RTN4RL1: variants seen among roughly 807,000 people sequenced by gnomAD.
The protein encoded by RTN4RL1 is reticulon-4 receptor-like 1.
In RTN4RL1, 7 loss-of-function variants were observed where a neutral mutation model predicts 25.6. The observed-to-expected ratio is 0.27, with a 90% CI of 0.16 to 0.51. The LOEUF (loss-of-function observed/expected upper bound fraction) is 0.51. Among genes scored for constraint, RTN4RL1 ranks in the 20% least tolerant of loss-of-function variants. RTN4RL1 has a pLI of 0.97. For missense variants in RTN4RL1, 500 were observed against 615.6 expected (o/e 0.81, Z 1.99); for synonymous variants, 297 against 288.2 (o/e 1.03, Z -0.31).
rs1297651973 is a variant in RTN4RL1, at chr17:2,000,142, C to T, written c.13+24711G>A. The stretch of plus-strand genomic sequence containing the variant: ...GCTGACAGCTGTGTCAGGGAGAAGG[C>T]GTGTCTGCCAAGTAGCAGCCACCGC... On this transcript the variant is annotated intron_variant, in intron 1 of 1. Coordinates refer to ENST00000331238, the MANE Select transcript of RTN4RL1 (RefSeq NM_178568.4). Among the ~76,000 whole-genome samples, 4 of 152,372 alleles carry T rather than the reference C, an allele frequency of 2.6e-5. No homozygotes were observed. The East Asian group carries it at 5.8e-4, about 22-fold the overall frequency.
At position 1,935,551 on chromosome 17, in the gene RTN4RL1, G is replaced by A. The variant is rs568027000; in HGVS notation, c.*945C>T. 71 of 985,420 alleles carry A rather than the reference G, an allele frequency of 7.2e-5. No homozygotes were observed. Among genetic ancestry groups the A allele is most frequent in the Admixed American group, 3.1e-4 (5 of 16,254 alleles). The allele number at this position is 985,420 out of a possible 1,614,324, so 61.0% of individuals were successfully genotyped here. On this transcript the variant is annotated 3_prime_UTR_variant, in exon 2 of 2. Coordinates refer to ENST00000331238, the MANE Select transcript of RTN4RL1 (RefSeq NM_178568.4). ...AAGGCCAGGTCCCTTGGAGACTATC[G>A]TTGCCAGTTTGGGATTCTAGACAAA...
intron 1 of RTN4RL1, among the ~76,000 whole-genome samples, chr17:2,023,295 A>C (rs995142949): frequency 3.3e-5 from 5 of 152,210 alleles, no homozygotes; most frequent in Non-Finnish European, 7.3e-5. Context: ...CACTTTGGCC[A>C]GCACTGCTCG....
chr17:2,014,632 G>A (rs2067095830), intron 1 of RTN4RL1, among the ~76,000 whole-genome samples: 1 of 152,190 alleles, frequency 6.6e-6, no homozygotes, highest in Admixed American at 6.5e-5. Context: ...AGGAGTTCGA[G>A]ACCAGCCTGG....
chr17:1,949,239 G>A (rs1363797732), intron 1 of RTN4RL1, among the ~76,000 whole-genome samples: 1 of 152,092 alleles, frequency 6.6e-6, no homozygotes, highest in Admixed American at 6.6e-5. Context: ...GGGATTACAG[G>A]CGTGAGCCAC....
At chr17:2,004,478 G>A (rs570326912) in intron 1 of RTN4RL1, among the ~76,000 whole-genome samples, 1 of 151,976 alleles carries the variant, frequency 6.6e-6, no homozygotes, top group East Asian at 1.9e-4. Context: ...TTTTCCAGTC[G>A]GGGGACCCTG....
chr17:1,972,175 C>T (rs1205737337), intron 1 of RTN4RL1, among the ~76,000 whole-genome samples: 2 of 151,248 alleles, frequency 1.3e-5, no homozygotes, highest in African/African-American at 4.9e-5. Context: ...GGCGTGGTGG[C>T]AGGCACCTGT....
At chr17:1,951,957 G>A (rs1011775394) in intron 1 of RTN4RL1, among the ~76,000 whole-genome samples, 6 of 152,158 alleles carry the variant, frequency 3.9e-5, no homozygotes, top group Non-Finnish European at 5.9e-5. Context: ...CAGGACAGGC[G>A]GGTGGTGCTG....
chr17:1,972,385 C>T (rs1311792334), intron 1 of RTN4RL1, among the ~76,000 whole-genome samples: 1 of 151,844 alleles, frequency 6.6e-6, no homozygotes, highest in Non-Finnish European at 1.5e-5. Context: ...TAGAGTCCTA[C>T]TTCCTGTTCT....
intron 1 of RTN4RL1, among the ~76,000 whole-genome samples, chr17:1,990,093 A>G (rs2151318921): frequency 6.6e-6 from 1 of 152,232 alleles, no homozygotes; most frequent in East Asian, 1.9e-4. Context: ...CTTTTTTTTA[A>G]TTATCAAGGA....
chr17:2,006,226 C>T (rs969920788), intron 1 of RTN4RL1, among the ~76,000 whole-genome samples: 22 of 151,190 alleles, frequency 1.5e-4, no homozygotes, highest in African/African-American at 4.1e-4. Context: ...GGCACAATCT[C>T]GGCTCACTGT....
At chr17:1,944,555 C>T (rs561376957) in intron 1 of RTN4RL1, among the ~76,000 whole-genome samples, 18 of 152,126 alleles carry the variant, frequency 1.2e-4, no homozygotes, top group Admixed American at 2.6e-4. Context: ...CTCCTGAGTT[C>T]AAGTGATTCT....
intron 1 of RTN4RL1, among the ~76,000 whole-genome samples, chr17:1,943,098 G>A (rs796163282): frequency 1.1e-4 from 17 of 152,278 alleles, no homozygotes; most frequent in African/African-American, 1.4e-4. Context: ...GCAGCTTCCC[G>A]GCCCCTGGAA....
At chr17:1,976,034 C>A (rs2066841469) in intron 1 of RTN4RL1, among the ~76,000 whole-genome samples, 1 of 152,196 alleles carries the variant, frequency 6.6e-6, no homozygotes, top group Non-Finnish European at 1.5e-5. Context: ...CTCAAAATGC[C>A]TTTTAAAAAT....
rs1915313013 is a variant in RTN4RL1 at position 1,936,742 on chromosome 17, C to T, written c.1080G>A (p.Arg360=). ...RKPGKNCTNP[R]NRNQISKAGA... ...CCGCCTTAGAGATCTGATTGCGGTT[C>T]CTGGGGTTGGTGCAGTTCTTCCCCG... Residue 360 remains arginine, a synonymous_variant, in exon 2 of 2, where the codon AGG becomes AGA. Transcript: ENST00000331238. 3 of 1,596,766 alleles carry T rather than the reference C, an allele frequency of 1.9e-6. No homozygotes were observed. The highest frequency in any genetic ancestry group is 2.6e-6 in the Non-Finnish European group (3 of 1,173,182).
At chr17:1,970,220 C>T (rs150002292) in intron 1 of RTN4RL1, among the ~76,000 whole-genome samples, 133 of 152,110 alleles carry the variant, frequency 8.7e-4, no homozygotes, top group African/African-American at 2.9e-3. Flanking sequence ...GGGGTTTGAC[C>T]GTGTTGGTCA....
chr17:1,949,057 A>C lies in RTN4RL1; in HGVS notation c.14-11249T>G, dbSNP rs559858478. 1.1e-3 allele frequency among the ~76,000 whole-genome samples: 174 copies of C among 152,256 alleles called. 1 individual carries two copies. The highest frequency in any genetic ancestry group is 4.1e-3 in the African/African-American group (169 of 41,538). ...CTGCAAGCTCCGCCTCCCGGGTTCA[A>C]GGCATTCTTCTGCCTCAGCCTCCAG... On this transcript the variant is annotated intron_variant, in intron 1 of 1. Transcript: ENST00000331238.
chr17:1,956,180 G>GCAGCAGGCAGCT (rs1308116694), intron 1 of RTN4RL1, among the ~76,000 whole-genome samples: 1 of 152,160 alleles, frequency 6.6e-6, no homozygotes, highest in African/African-American at 2.4e-5. Context: ...TACTAAGGAA[G>GCAGCAGGCAGCT]CAGCAGGCAG....
chr17:1,940,234 G>A lies in RTN4RL1; in HGVS notation c.14-2426C>T, dbSNP rs555753199. Among the ~76,000 whole-genome samples, 12 of 152,290 alleles carry A rather than the reference G, an allele frequency of 7.9e-5. No individual in the cohort carries two copies. The East Asian group carries it at 1.5e-3, about 20-fold the overall frequency. ...ACATTTCCAACACATAAAAATCATC[G>A]TACATAATTTGTTTTTTTTGCATAA... is the stretch of plus-strand genomic sequence containing the variant. On this transcript the variant is annotated intron_variant, in intron 1 of 1. Transcript: ENST00000331238.
At chr17:1,942,409 G>C (rs901357857) in intron 1 of RTN4RL1, among the ~76,000 whole-genome samples, 1 of 152,060 alleles carries the variant, frequency 6.6e-6, no homozygotes, top group Admixed American at 6.5e-5. Flanking sequence ...AGATGGGGGG[G>C]CTCACTAGGA....
Sources: allele counts gnomAD v4.1 joint callset (sites outside exome capture counted in the v4.1 genomes callset), GRCh38; gene constraint gnomAD v4.1.1; transcripts MANE v1.5; gene names NCBI Gene and HGNC (gene_info 2026-07-23, HGNC 2026-07-21).